ARL14EPL: variants seen among roughly 807,000 people sequenced by gnomAD.
The protein encoded by ARL14EPL is ARF like GTPase 14 effector protein like, also known as ARL14 effector protein-like.
Under a neutral mutation model 15.9 loss-of-function variants are expected in ARL14EPL, and 17 were observed. The observed-to-expected ratio is 1.07, with a 90% CI of 0.73 to 1.60. The LOEUF is 1.60. Ranked by LOEUF, ARL14EPL falls within the 40% of genes most tolerant of loss-of-function variation. The pLI, the probability that ARL14EPL is intolerant of heterozygous loss-of-function variation, is 0.00. For missense variants in ARL14EPL, 214 were observed against 185.9 expected (o/e 1.15, Z -0.88); for synonymous variants, 78 against 63.8 (o/e 1.22, Z -1.06).
intron 1 of ARL14EPL, among the ~76,000 whole-genome samples, chr5:116,042,374 T>C (rs1749176353): frequency 1.3e-5 from 2 of 152,220 alleles, no homozygotes; most frequent in Admixed American, 1.3e-4. Flanking sequence ...GCAGTGTGGA[T>C]AGATACCCTT....
At chr5:116,050,705 G>T (rs538876893) in intron 1 of ARL14EPL, among the ~76,000 whole-genome samples, 2 of 151,976 alleles carry the variant, frequency 1.3e-5, no homozygotes, top group South Asian at 2.1e-4. Flanking sequence ...CTCCTCTGGA[G>T]AGTGGTGTTT....
At chr5:116,044,351 G>A (rs114852908) in intron 1 of ARL14EPL, among the ~76,000 whole-genome samples, 1,837 of 152,260 alleles carry the variant, frequency 0.012, 12 homozygotes, top group Non-Finnish European at 0.017. Flanking sequence ...ACAATGTTTA[G>A]AGGGTGGTAA....
intron 1 of ARL14EPL, among the ~76,000 whole-genome samples, chr5:116,044,512 T>C (rs1052485742): frequency 2.0e-5 from 3 of 151,936 alleles, no homozygotes; most frequent in African/African-American, 7.3e-5. Flanking sequence ...TATATATATA[T>C]GTATATATAT....
rs781357369 is a variant in ARL14EPL, at chr5:116,051,534, G to T, written c.69G>T (p.Lys23Asn). ...ERHTDHSFPE[K>N]NCQIGQKQLQ... Reference sequence around the variant, plus strand: ...ACACAGATCATAGTTTTCCTGAGAAGAACTGTCAAATTGGACAGAAACAAC... The same window carrying T: ...ACACAGATCATAGTTTTCCTGAGAATAACTGTCAAATTGGACAGAAACAAC... Residue 23 changes from lysine to asparagine, a missense_variant, in exon 2 of 4, where the codon AAG becomes AAT. Coordinates refer to ENST00000686077, the MANE Select transcript of ARL14EPL (RefSeq NM_001195581.2). The T allele has an allele frequency of 3.3e-6, 5 of 1,535,134 alleles. No homozygotes were observed. The South Asian group carries it at 6.0e-5, about 18-fold the overall frequency.
chr5:116,052,616 G>A (rs1458917499), intron 2 of ARL14EPL, among the ~76,000 whole-genome samples: 7 of 152,094 alleles, frequency 4.6e-5, no homozygotes, highest in African/African-American at 1.2e-4. Flanking sequence ...TAATCGCTTC[G>A]TACTAAGTTG....
intron 2 of ARL14EPL, among the ~76,000 whole-genome samples, chr5:116,052,655 C>G (rs935761666): frequency 8.1e-5 from 12 of 148,174 alleles, no homozygotes; most frequent in African/African-American, 3.0e-4. Context: ...ATATCTAATG[C>G]AGAACAGTTT....
In ARL14EPL at chr5:116,054,012, A is replaced by G; in HGVS notation, c.97-2A>G. On this transcript the variant is annotated splice_acceptor_variant, in intron 2 of 3. Transcript: ENST00000686077. LOFTEE classifies it high-confidence loss of function. ...CTATTAATACATTTATTTGTTTAAT[A>G]GCAACAAATAGAGCGGCAGTTAAAA... The G allele has an allele frequency of 6.5e-7, 1 of 1,529,628 alleles. No homozygotes were observed. The highest frequency in any genetic ancestry group is 8.7e-7 in the Non-Finnish European group (1 of 1,144,432). The allele number at this position is 1,529,628 out of a possible 1,614,324, so 94.8% of individuals were successfully genotyped here.
intron 2 of ARL14EPL, 126 bp from the exon 3 acceptor site, chr5:116,053,888 T>C (rs1414775192): frequency 1.4e-6 from 1 of 736,206 alleles, no homozygotes; most frequent in Non-Finnish European, 2.0e-6. Flanking sequence ...ATCGTTTATG[T>C]CTTTGTGTAA....
At chr5:116,058,646 A>C in intron 3 of ARL14EPL, 79 bp from the exon 4 acceptor site, 1 of 1,330,996 alleles carries the variant, frequency 7.5e-7, no homozygotes, top group Non-Finnish European at 1.0e-6. Flanking sequence ...CATGTGTATG[A>C]TGTTGATTGT....
At position 116,051,847 on chromosome 5, in the gene ARL14EPL, TTA is replaced by T. The variant is rs200674804; in HGVS notation, c.96+288_96+289del. The T allele has an allele frequency of 3.4e-5, 38 of 1,116,060 alleles. No homozygotes were observed. In the East Asian group the frequency reaches 3.8e-4, roughly 11 times the overall value. 69.1% of individuals were successfully genotyped at this position (1,116,060 alleles called of 1,614,324 possible). On this transcript the variant is annotated intron_variant, in intron 2 of 3. Coordinates refer to ENST00000686077, the MANE Select transcript of ARL14EPL (RefSeq NM_001195581.2). ...AGAATATATACAAACGTTTTTATTT[TTA>T]TTTTTATTTTTTGATTTAATAAAGT...
rs1021149713 is a variant in ARL14EPL at position 116,058,740 on chromosome 5, T to C, written c.252T>C (p.Tyr84=). 9 of 1,535,014 alleles carry C rather than the reference T, an allele frequency of 5.9e-6. No homozygotes were observed. In the Middle Eastern group the frequency reaches 5.8e-4, roughly 99 times the overall value. The change falls in exon 4 of 4, where the codon TAT becomes TAC. Residue 84 remains tyrosine, a synonymous_variant. Coordinates refer to ENST00000686077, the MANE Select transcript of ARL14EPL (RefSeq NM_001195581.2). ...FSTKYKIMRK[Y]DKSGRLICND... The stretch of plus-strand genomic sequence containing the variant: ...TCCTTTGTAGAATAATGAGGAAGTA[T>C]GACAAAAGTGGCAGGCTCATCTGTA...
chr5:116,058,724 G>A lies in ARL14EPL; in HGVS notation c.237-1G>A, dbSNP rs1167280926. ...CTTAATGTCATGCTTTTCCTTTGTA[G>A]AATAATGAGGAAGTATGACAAAAGT... On this transcript the variant is annotated splice_acceptor_variant, in intron 3 of 3. Transcript: ENST00000686077. LOFTEE classifies it high-confidence loss of function. The A allele has an allele frequency of 2.0e-6, 3 of 1,534,222 alleles. No homozygotes were observed. Among genetic ancestry groups the A allele is most frequent in the Middle Eastern group, 2.0e-4 (1 of 4,898 alleles).
At chr5:116,049,636 C>T (rs533824027) in intron 1 of ARL14EPL, among the ~76,000 whole-genome samples, 1 of 152,226 alleles carries the variant, frequency 6.6e-6, no homozygotes, top group Non-Finnish European at 1.5e-5. Context: ...CAGCCCTTGC[C>T]CTCCTTGCCC....
intron 1 of ARL14EPL, among the ~76,000 whole-genome samples, chr5:116,048,839 T>G (rs1289428504): frequency 1.3e-5 from 2 of 152,164 alleles, no homozygotes; most frequent in African/African-American, 4.8e-5. Context: ...GTCATTGAAG[T>G]ATTTTAATAG....
chr5:116,054,547 A>G (rs1749469888), intron 3 of ARL14EPL, among the ~76,000 whole-genome samples: 1 of 152,210 alleles, frequency 6.6e-6, no homozygotes, highest in Non-Finnish European at 1.5e-5. Flanking sequence ...AACTAAGTAA[A>G]CTGGCTGGGC....
At chr5:116,044,844 C>T (rs1275724390) in intron 1 of ARL14EPL, among the ~76,000 whole-genome samples, 2 of 152,088 alleles carry the variant, frequency 1.3e-5, no homozygotes, top group African/African-American at 2.4e-5. Flanking sequence ...TCTCATTTTC[C>T]CTTGAGGGTT....
chr5:116,056,096 C>T (rs996390168), intron 3 of ARL14EPL, among the ~76,000 whole-genome samples: 42 of 151,874 alleles, frequency 2.8e-4, no homozygotes, highest in Non-Finnish European at 3.5e-4. Context: ...TGAGTAGTGC[C>T]GCAATAAACA....
chr5:116,038,831 C>A (rs890132862), intron 1 of ARL14EPL, among the ~76,000 whole-genome samples: 1 of 152,160 alleles, frequency 6.6e-6, no homozygotes. Flanking sequence ...TAAAAGAAAT[C>A]TGAGAGCAAA....
At chr5:116,034,436 A>G (rs1285993942) in intron 1 of ARL14EPL, among the ~76,000 whole-genome samples, 3 of 152,190 alleles carry the variant, frequency 2.0e-5, no homozygotes, top group Non-Finnish European at 4.4e-5. Context: ...AACTCCTGTG[A>G]GAGGGCGGCA....
Sources: gnomAD v4.1 joint callset for allele counts (sites outside exome capture counted in the v4.1 genomes callset) on GRCh38, gnomAD v4.1.1 for gene constraint, MANE v1.5 for transcripts, NCBI Gene and HGNC (gene_info 2026-07-23, HGNC 2026-07-21) for gene names.